Variants in ELK3 observed in about 807,000 individuals in gnomAD.
The protein encoded by ELK3 is ETS transcription factor ELK3.
In ELK3, 10 loss-of-function variants were observed where a neutral mutation model predicts 28.9. The ratio of observed to expected loss-of-function variants is 0.35; its 90% CI spans 0.21 to 0.59. The LOEUF (loss-of-function observed/expected upper bound fraction) is 0.59. Ranked by LOEUF, ELK3 falls within the 20% of genes least tolerant of loss-of-function variation. The probability of loss-of-function intolerance (pLI) is 0.82; values close to 1 mark genes in which losing one functional copy is unlikely to be tolerated. For synonymous variants in ELK3, 272 were observed against 243.5 expected (o/e 1.12, Z -1.09); for missense variants, 463 against 517.3 (o/e 0.90, Z 1.02).
At chr12:96,235,694 C>T (rs1219585874) in intron 2 of ELK3, among the ~76,000 whole-genome samples, 1 of 152,146 alleles carries the variant, frequency 6.6e-6, no homozygotes, top group Non-Finnish European at 1.5e-5. Flanking sequence ...ACACACACTG[C>T]CCGGCCATGC....
At chr12:96,230,026 T>C (rs1951729679) in intron 2 of ELK3, among the ~76,000 whole-genome samples, 1 of 152,200 alleles carries the variant, frequency 6.6e-6, no homozygotes, top group Admixed American at 6.5e-5. Flanking sequence ...TATACAGTCA[T>C]GTACCACATA....
At chr12:96,198,290 G>T (rs924885646) in intron 1 of ELK3, 4 of 152,140 alleles carry the variant, frequency 2.6e-5, no homozygotes, top group Non-Finnish European at 5.9e-5. Context: ...TTGCACTCCT[G>T]GGCTCAAGTG....
intron 1 of ELK3, 28 bp downstream of exon 1, chr12:96,194,733 T>G (rs1360447987): frequency 6.7e-6 from 1 of 148,248 alleles, no homozygotes; most frequent in East Asian, 2.0e-4. Context: ...TGCCTGTTGC[T>G]CGGACACTTA....
At chr12:96,228,731 C>T (rs988315621) in intron 2 of ELK3, among the ~76,000 whole-genome samples, 1 of 152,218 alleles carries the variant, frequency 6.6e-6, no homozygotes, top group Non-Finnish European at 1.5e-5. Flanking sequence ...GCAGTTGGAG[C>T]CAGTCTCCAC....
chr12:96,195,561 T>C (rs945657325), intron 1 of ELK3, among the ~76,000 whole-genome samples: 1 of 152,140 alleles, frequency 6.6e-6, no homozygotes, highest in Admixed American at 6.5e-5. Flanking sequence ...TGTTATCTTT[T>C]CTGAACCGAA....
At chr12:96,232,106 A>G (rs752640675) in intron 2 of ELK3, among the ~76,000 whole-genome samples, 9 of 152,194 alleles carry the variant, frequency 5.9e-5, no homozygotes, top group Admixed American at 2.6e-4. Flanking sequence ...GAAGGGATAT[A>G]CCAAGAAGGG....
intron 3 of ELK3, among the ~76,000 whole-genome samples, chr12:96,248,248 A>G (rs1399168379): frequency 2.6e-5 from 4 of 152,204 alleles, no homozygotes; most frequent in African/African-American, 9.7e-5. Context: ...CACCCCAAAC[A>G]GCTGCTTCGC....
At chr12:96,227,164 A>G (rs1376385332) in intron 2 of ELK3, among the ~76,000 whole-genome samples, 2 of 151,866 alleles carry the variant, frequency 1.3e-5, no homozygotes, top group South Asian at 2.1e-4. Flanking sequence ...CTGAACTTCA[A>G]GCTGCCCTGA....
chr12:96,260,262 C>G (rs1163649410), intron 4 of ELK3, among the ~76,000 whole-genome samples: 1 of 151,956 alleles, frequency 6.6e-6, no homozygotes, highest in Non-Finnish European at 1.5e-5. Context: ...CTGGGCAACA[C>G]AGCAAGACCC....
chr12:96,267,444 G>A lies in ELK3; in HGVS notation c.*264G>A. On this transcript the variant is annotated 3_prime_UTR_variant, in exon 5 of 5. Transcript: ENST00000228741. ...TTTTAGCTCTTAAGTGTTGAACACT[G>A]TTGACAGTGAAGAACTTTTCTTAAT... 3.3e-6 allele frequency: 1 copy of A among 306,030 alleles called. No individual in the cohort carries two copies. Among genetic ancestry groups the A allele is most frequent in the Non-Finnish European group, 6.2e-6 (1 of 162,214 alleles). 19.0% of individuals were successfully genotyped at this position (306,030 alleles called of 1,614,324 possible).
At chr12:96,227,139 G>A (rs1369866867) in intron 2 of ELK3, among the ~76,000 whole-genome samples, 1 of 152,116 alleles carries the variant, frequency 6.6e-6, no homozygotes, top group African/African-American at 2.4e-5. Context: ...CTGGGCCACT[G>A]CCGTGTGTGC....
At chr12:96,265,783 G>C (rs547528400) in intron 4 of ELK3, among the ~76,000 whole-genome samples, 2 of 152,282 alleles carry the variant, frequency 1.3e-5, no homozygotes, top group African/African-American at 4.8e-5. Flanking sequence ...TTTTAAACAA[G>C]AGTATAAACT....
At chr12:96,194,746 AAGTT>A (rs1302393147) in intron 1 of ELK3, 41 bp downstream of exon 1, 1 of 145,872 alleles carries the variant, frequency 6.9e-6, no homozygotes, top group East Asian at 2.1e-4. Context: ...GACACTTAAA[AAGTT>A]TGTTTGGGGG....
chr12:96,265,768 G>A (rs1055941115), intron 4 of ELK3, among the ~76,000 whole-genome samples: 3 of 152,064 alleles, frequency 2.0e-5, no homozygotes, highest in Non-Finnish European at 4.4e-5. Context: ...TTAGTAGCAC[G>A]GACCTTTTAA....
intron 1 of ELK3, chr12:96,222,740 G>A (rs921128005): frequency 3.3e-5 from 5 of 152,186 alleles, no homozygotes; most frequent in African/African-American, 7.2e-5. Context: ...GTTAGAGACC[G>A]ACTATATTAG....
chr12:96,233,977 G>T (rs1472517172), intron 2 of ELK3, among the ~76,000 whole-genome samples: 3 of 152,234 alleles, frequency 2.0e-5, no homozygotes, highest in African/African-American at 7.2e-5. Flanking sequence ...ATTGCCTGGG[G>T]GCGCAGGGGA....
At position 96,229,565 on chromosome 12, in the gene ELK3, T is replaced by C. The variant is rs189092209; in HGVS notation, c.207+5792T>C. Among the ~76,000 whole-genome samples, 251 of 145,404 alleles carry C rather than the reference T, an allele frequency of 1.7e-3. 2 individuals carry two copies. Among genetic ancestry groups the C allele is most frequent in the African/African-American group, 6.1e-3 (239 of 39,186 alleles). On this transcript the variant is annotated intron_variant, in intron 2 of 4. Coordinates refer to ENST00000228741, the MANE Select transcript of ELK3 (RefSeq NM_005230.4). ...TTTTTTTTTTGAGACAGAGTCTTGC[T>C]CTGTCGCCCAGGCTGGAGTGCAATG... is the stretch of plus-strand genomic sequence containing the variant.
chr12:96,261,956 T>C (rs988864318), intron 4 of ELK3, among the ~76,000 whole-genome samples: 2 of 152,000 alleles, frequency 1.3e-5, no homozygotes. Context: ...AAAATAAAGA[T>C]TGCAGGGCCC....
At chr12:96,214,464 AAAC>A (rs1042472206) in intron 1 of ELK3, among the ~76,000 whole-genome samples, 4 of 151,586 alleles carry the variant, frequency 2.6e-5, no homozygotes, top group Non-Finnish European at 5.9e-5. Flanking sequence ...ACAAAAAAAA[AAAC>A]AGCAAAAACC....
Sources: gnomAD v4.1 joint callset for allele counts (sites outside exome capture counted in the v4.1 genomes callset) on GRCh38, gnomAD v4.1.1 for gene constraint, MANE v1.5 for transcripts, NCBI Gene and HGNC (gene_info 2026-07-23, HGNC 2026-07-21) for gene names.